The following KLHL22 variants were observed in gnomAD, a reference collection of about 807,000 sequenced individuals.
The protein encoded by KLHL22 is kelch like family member 22, also known as kelch-like protein 22.
Under a neutral mutation model 60.7 loss-of-function variants are expected in KLHL22, and 18 were observed. The observed-to-expected ratio is 0.30, with a 90% CI of 0.20 to 0.44. The LOEUF is 0.44. Among genes scored for constraint, KLHL22 ranks in the 20% least tolerant of loss-of-function variants. The pLI is 1.00. For synonymous variants in KLHL22, 355 were observed against 354.5 expected (o/e 1.00, Z -0.01); for missense variants, 596 against 852.3 (o/e 0.70, Z 3.74).
intron 4 of KLHL22, among the ~76,000 whole-genome samples, chr22:20,461,280 A>G (rs2053150064): frequency 6.6e-6 from 1 of 152,168 alleles, no homozygotes; most frequent in South Asian, 2.1e-4. Context: ...GTGGCCAGGC[A>G]CGGTGGCTCA....
chr22:20,446,836 T>C (rs1477673297), intron 5 of KLHL22, among the ~76,000 whole-genome samples, 160 bp from the exon 6 acceptor site: 2 of 152,208 alleles, frequency 1.3e-5, no homozygotes, highest in African/African-American at 4.8e-5. Flanking sequence ...TCGATTCTCA[T>C]GGGACATACT....
chr22:20,445,421 T>A (rs1459578315), intron 6 of KLHL22, among the ~76,000 whole-genome samples: 1 of 152,016 alleles, frequency 6.6e-6, no homozygotes, highest in African/African-American at 2.4e-5. Flanking sequence ...TTGGCCAAGC[T>A]GGTCTTGAAC....
In KLHL22 at chr22:20,481,673, C is replaced by T. The variant is rs532107166; in HGVS notation, c.227+7312G>A. Among the ~76,000 whole-genome samples, 10 of 152,322 alleles carry T rather than the reference C, an allele frequency of 6.6e-5. No homozygotes were observed. In the East Asian group the frequency reaches 1.7e-3, roughly 26 times the overall value. On this transcript the variant is annotated intron_variant, in intron 2 of 6. Coordinates refer to ENST00000328879, the MANE Select transcript of KLHL22 (RefSeq NM_032775.4). ...GTAGTGGGACCATCTTGGCTTGGCT[C>T]GGCTCACTGCAGCTTCAACCTCCAG...
chr22:20,466,370 TCTA>T (rs1456713970), intron 3 of KLHL22, among the ~76,000 whole-genome samples: 1 of 67,534 alleles, frequency 1.5e-5, no homozygotes, highest in Non-Finnish European at 2.9e-5. Context: ...CGAGACTCCG[TCTA>T]AAAAAAAAAA....
chr22:20,442,000 T>C lies in KLHL22; in HGVS notation c.*73A>G, dbSNP rs1023758761. ...GGGCCCTGCCTGGAGTAAAGTGCTC[T>C]GGCCTAGGCTGCGTGGGTTTCACTG... is the stretch of plus-strand genomic sequence containing the variant. On this transcript the variant is annotated 3_prime_UTR_variant, in exon 7 of 7. Coordinates refer to ENST00000328879, the MANE Select transcript of KLHL22 (RefSeq NM_032775.4). The C allele has an allele frequency of 7.0e-7, 1 of 1,430,784 alleles. No individual in the cohort carries two copies. The highest frequency in any genetic ancestry group is 2.5e-5 in the East Asian group (1 of 39,242). The allele number at this position is 1,430,784 out of a possible 1,614,324, so 88.6% of individuals were successfully genotyped here.
chr22:20,494,165 G>A lies in KLHL22; in HGVS notation c.-34+1595C>T, dbSNP rs115394808. Among the ~76,000 whole-genome samples the A allele has an allele frequency of 7.0e-3, 1,071 of 152,058 alleles. 20 individuals are homozygous for A. The highest frequency in any genetic ancestry group is 0.024 in the African/African-American group (1,007 of 41,434). On this transcript the variant is annotated intron_variant, in intron 1 of 6. Transcript: ENST00000328879. Reference sequence around the variant, plus strand: ...GCCTTGGGAGGTCCAGGTAGGTGGAGTTCAAGACCACCTTGGGCAATATAG... The same window carrying A: ...GCCTTGGGAGGTCCAGGTAGGTGGAATTCAAGACCACCTTGGGCAATATAG...
chr22:20,494,974 G>A (rs1193014002), intron 1 of KLHL22, among the ~76,000 whole-genome samples: 2 of 152,242 alleles, frequency 1.3e-5, no homozygotes, highest in Non-Finnish European at 2.9e-5. Context: ...CGGCCACAAA[G>A]GCAAAGGGGG....
At chr22:20,454,489 A>C (rs1488822979) in intron 5 of KLHL22, among the ~76,000 whole-genome samples, 2 of 152,218 alleles carry the variant, frequency 1.3e-5, no homozygotes, top group Non-Finnish European at 2.9e-5. Context: ...ATTGTTCCCT[A>C]CTGTGCATGT....
At chr22:20,463,628 G>A (rs1176511942) in intron 4 of KLHL22, among the ~76,000 whole-genome samples, 1 of 152,258 alleles carries the variant, frequency 6.6e-6, no homozygotes, top group Non-Finnish European at 1.5e-5. Context: ...AAGGTTTAAG[G>A]TTTGGCCAAA....
At chr22:20,479,082 T>C (rs1340995714) in intron 2 of KLHL22, among the ~76,000 whole-genome samples, 1 of 151,166 alleles carries the variant, frequency 6.6e-6, no homozygotes, top group South Asian at 2.1e-4. Flanking sequence ...TGAGCCGAGA[T>C]GATGCCACTG....
intron 2 of KLHL22, among the ~76,000 whole-genome samples, chr22:20,480,047 T>G (rs544799154): frequency 3.0e-4 from 45 of 152,322 alleles, no homozygotes; most frequent in Middle Eastern, 3.4e-3. Context: ...AGGTCACATG[T>G]TATAACACAC....
chr22:20,462,258 C>T (rs2053167025), intron 4 of KLHL22, among the ~76,000 whole-genome samples: 1 of 107,046 alleles, frequency 9.3e-6, no homozygotes, highest in East Asian at 2.5e-4. Flanking sequence ...GCCTGGGCGA[C>T]AGAACGAGAC....
At chr22:20,456,626 G>T (rs2053067153) in intron 5 of KLHL22, among the ~76,000 whole-genome samples, 4 of 152,264 alleles carry the variant, frequency 2.6e-5, no homozygotes, top group Non-Finnish European at 4.4e-5. Context: ...CTTTCCCCAG[G>T]ATGGGGGTAC....
At chr22:20,459,521 A>T (rs956014194) in intron 4 of KLHL22, among the ~76,000 whole-genome samples, 2 of 152,192 alleles carry the variant, frequency 1.3e-5, no homozygotes, top group Non-Finnish European at 2.9e-5. Flanking sequence ...CAATGAGGTG[A>T]TATCACCTGC....
chr22:20,462,336 AG>A (rs1877653492), intron 4 of KLHL22, among the ~76,000 whole-genome samples: 1 of 151,850 alleles, frequency 6.6e-6, no homozygotes, highest in Admixed American at 6.6e-5. Flanking sequence ...GAAATGCCGA[AG>A]GAAAAATTAC....
Position 20,495,767 on chromosome 22 carries a change from C to G in KLHL22, c.-41G>C, listed in dbSNP as rs1294878611. 6.6e-6 allele frequency: 1 copy of G among 151,216 alleles called. No individual in the cohort carries two copies. The highest frequency in any genetic ancestry group is 1.5e-5 in the Non-Finnish European group (1 of 67,584). 9.4% of individuals were successfully genotyped at this position (151,216 alleles called of 1,614,324 possible). On this transcript the variant is annotated 5_prime_UTR_variant, in exon 1 of 7. Coordinates refer to ENST00000328879, the MANE Select transcript of KLHL22 (RefSeq NM_032775.4). This position sits in a 1 kb window ranked among gnomAD's most constrained non-coding sequence, Gnocchi z 4.6. ...TCACGCCTCGCAGCTGACCTGGTGC[C>G]GCCGCCAGCCGAGGCCGCACTCGCA...
At chr22:20,450,050 G>A (rs907245840) in intron 5 of KLHL22, 24 of 677,908 alleles carry the variant, frequency 3.5e-5, no homozygotes, top group African/African-American at 1.6e-4. Context: ...AGGCCCTGGC[G>A]CGGCTGTGTG....
rs1240295264 is a variant in KLHL22, at chr22:20,483,313, T to C, written c.227+5672A>G. The C allele has an allele frequency of 1.1e-5, 8 of 718,894 alleles. No individual in the cohort carries two copies. In the Admixed American group the frequency reaches 1.4e-4, roughly 13 times the overall value. 44.5% of individuals were successfully genotyped at this position (718,894 alleles called of 1,614,324 possible). The stretch of plus-strand genomic sequence containing the variant: ...CTGAGACCAGTACTTGTCCAGCTCC[T>C]GTCGTTTCTTCCGAGCCAGCTCATC... On this transcript the variant is annotated intron_variant, in intron 2 of 6. Transcript: ENST00000328879.
At chr22:20,451,615 C>T (rs1300186898) in intron 5 of KLHL22, 21 of 1,601,024 alleles carry the variant, frequency 1.3e-5, no homozygotes, top group Admixed American at 3.3e-5. Context: ...CACTGATTCC[C>T]GGACAACTGC....
Sources: gnomAD v4.1 joint callset for allele counts (sites outside exome capture counted in the v4.1 genomes callset) on GRCh38, gnomAD v4.1.1 for gene constraint, Gnocchi (gnomAD v3.1) non-coding constraint, MANE v1.5 for transcripts, NCBI Gene and HGNC (gene_info 2026-07-23, HGNC 2026-07-21) for gene names.